The following EML1 variants were observed in gnomAD, a reference collection of about 807,000 sequenced individuals.
EML1 encodes the protein echinoderm microtubule-associated protein-like 1.
Under a neutral mutation model 110.4 loss-of-function variants are expected in EML1, and 27 were observed. The ratio of observed to expected loss-of-function variants is 0.24; its 90% CI spans 0.18 to 0.34. The LOEUF (loss-of-function observed/expected upper bound fraction) is 0.34. Ranked by LOEUF, EML1 falls within the 10% of genes least tolerant of loss-of-function variation. The pLI, the probability that EML1 is intolerant of heterozygous loss-of-function variation, is 1.00. For synonymous variants in EML1, 344 were observed against 385.8 expected (o/e 0.89, Z 1.27); for missense variants, 741 against 1,030.9 (o/e 0.72, Z 3.85).
At chr14:99,930,805 A>G (rs1386921703) in intron 17 of EML1, among the ~76,000 whole-genome samples, 1 of 152,178 alleles carries the variant, frequency 6.6e-6, no homozygotes, top group Non-Finnish European at 1.5e-5. Flanking sequence ...CCAACTGCAG[A>G]TCCTTAGCCT....
At chr14:99,853,633 A>G (rs1262887826) in intron 2 of EML1, among the ~76,000 whole-genome samples, 1 of 152,182 alleles carries the variant, frequency 6.6e-6, no homozygotes, top group Non-Finnish European at 1.5e-5. Context: ...TTGGCCTGCC[A>G]TGCTCATATA....
intron 8 of EML1, among the ~76,000 whole-genome samples, chr14:99,900,123 C>T (rs2059736418): frequency 6.7e-6 from 1 of 149,780 alleles, no homozygotes; most frequent in Non-Finnish European, 1.5e-5. Flanking sequence ...CCAATTATAA[C>T]AATTCTAAAT....
At chr14:99,756,166 C>T (rs1217670093) in intron 1 of EML1, among the ~76,000 whole-genome samples, 12 of 152,352 alleles carry the variant, frequency 7.9e-5, no homozygotes, top group Admixed American at 3.3e-4. Flanking sequence ...TCAGCAAGTG[C>T]TGGGCCCCAG....
intron 1 of EML1, among the ~76,000 whole-genome samples, chr14:99,785,932 C>T (rs1322773681): frequency 2.0e-5 from 3 of 151,886 alleles, no homozygotes; most frequent in Non-Finnish European, 1.5e-5. Context: ...GGACTCTGCA[C>T]CCCTCCCGCA....
rs369543771 is a variant in EML1 at position 99,939,706 on chromosome 14, C to T, written c.2323-281C>T. Among the ~76,000 whole-genome samples the T allele has an allele frequency of 7.9e-5, 12 of 152,270 alleles. No homozygotes were observed. The East Asian group carries it at 9.7e-4, about 12-fold the overall frequency. ...TCAGCCCCGGGCATCTGGTTAGGCCCACCTTTGGGGCGACCTCATACCTGG... is the reference window on the plus strand; with the variant it reads ...TCAGCCCCGGGCATCTGGTTAGGCCTACCTTTGGGGCGACCTCATACCTGG... On this transcript the variant is annotated intron_variant, in intron 21 of 21. Coordinates refer to ENST00000262233, the MANE Select transcript of EML1 (RefSeq NM_004434.3). This position sits in a 1 kb window ranked among gnomAD's most constrained non-coding sequence, Gnocchi z 4.2.
At chr14:99,920,313 C>T (rs554395895) in intron 16 of EML1, among the ~76,000 whole-genome samples, 1 of 152,294 alleles carries the variant, frequency 6.6e-6, no homozygotes, top group East Asian at 1.9e-4. Context: ...CCCATAAGGC[C>T]TGTACTCTTG....
chr14:99,854,034 TCTCA>T (rs1470848200), intron 2 of EML1, among the ~76,000 whole-genome samples: 3 of 152,210 alleles, frequency 2.0e-5, no homozygotes, highest in African/African-American at 7.2e-5. Flanking sequence ...AATGCTTAGG[TCTCA>T]CTCAGTATGT....
intron 3 of EML1, among the ~76,000 whole-genome samples, chr14:99,871,158 C>T (rs1408893490): frequency 6.6e-6 from 1 of 152,104 alleles, no homozygotes; most frequent in Non-Finnish European, 1.5e-5. Context: ...AGGGTTTTGC[C>T]ATGTTGGCTA....
At chr14:99,859,881 C>T (rs898968890) in intron 2 of EML1, among the ~76,000 whole-genome samples, 2 of 152,174 alleles carry the variant, frequency 1.3e-5, no homozygotes, top group African/African-American at 4.8e-5. Context: ...ATTTTATTGT[C>T]GGGATGTAGC....
At chr14:99,850,392 C>T (rs2058776176) in intron 1 of EML1, 1 of 1,270,566 alleles carries the variant, frequency 7.9e-7, no homozygotes, top group Non-Finnish European at 1.0e-6. Flanking sequence ...ATTGCTTTAT[C>T]CTTCAGAGTC....
intron 2 of EML1, among the ~76,000 whole-genome samples, chr14:99,852,055 A>G (rs1189188357): frequency 7.9e-5 from 12 of 152,212 alleles, no homozygotes; most frequent in Admixed American, 7.2e-4. Context: ...TTAAAAAGCA[A>G]TATTTGTATT....
chr14:99,739,421 C>T (rs986649511), intron 1 of EML1, among the ~76,000 whole-genome samples: 1 of 152,116 alleles, frequency 6.6e-6, no homozygotes, highest in Admixed American at 6.6e-5. Context: ...ATATTTAGCC[C>T]GTCGGAGCAA....
chr14:99,759,945 A>G (rs1479592070), intron 1 of EML1, among the ~76,000 whole-genome samples: 2 of 152,006 alleles, frequency 1.3e-5, no homozygotes, highest in Non-Finnish European at 2.9e-5. Flanking sequence ...CGTCTCTACT[A>G]TAAATACAGA....
chr14:99,927,535 A>G lies in EML1; in HGVS notation c.1909+6658A>G, dbSNP rs374965481. Among the ~76,000 whole-genome samples the G allele has an allele frequency of 6.6e-5, 10 of 152,260 alleles. No homozygotes were observed. The East Asian group carries it at 1.7e-3, about 27-fold the overall frequency. On this transcript the variant is annotated intron_variant, in intron 17 of 21. Coordinates refer to ENST00000262233, the MANE Select transcript of EML1 (RefSeq NM_004434.3). ...CTGTTGTTACCCAGTGCCTAGATCC[A>G]TAAAGGTTGCCAACTATTGATTTCC...
intron 1 of EML1, among the ~76,000 whole-genome samples, chr14:99,815,195 G>C (rs2058147137): frequency 6.9e-6 from 1 of 144,420 alleles, no homozygotes; most frequent in Non-Finnish European, 1.5e-5. Context: ...AGGCTGGAGT[G>C]CAGTGGCGCG....
intron 1 of EML1, among the ~76,000 whole-genome samples, chr14:99,778,067 G>C (rs1239357779): frequency 6.6e-6 from 1 of 152,184 alleles, no homozygotes; most frequent in Non-Finnish European, 1.5e-5. Flanking sequence ...TTACAGGCAT[G>C]AGTCACCAAT....
chr14:99,902,583 T>C (rs909389745), intron 9 of EML1, among the ~76,000 whole-genome samples: 1 of 152,266 alleles, frequency 6.6e-6, no homozygotes, highest in Non-Finnish European at 1.5e-5. Context: ...AGCCTTAGTC[T>C]TGTATACTTG....
chr14:99,898,334 A>G, intron 8 of EML1, 32 bp downstream of exon 8: 1 of 1,593,804 alleles, frequency 6.3e-7, no homozygotes, highest in East Asian at 2.2e-5. Context: ...TTGTTTCATA[A>G]TGAACTGGTA....
intron 1 of EML1, among the ~76,000 whole-genome samples, chr14:99,808,912 T>C (rs2058026471): frequency 6.6e-6 from 1 of 152,236 alleles, no homozygotes; most frequent in Non-Finnish European, 1.5e-5. Flanking sequence ...AGTAAAATAC[T>C]ACTTTATCAT....
Sources: allele counts gnomAD v4.1 joint callset (sites outside exome capture counted in the v4.1 genomes callset), GRCh38; gene constraint gnomAD v4.1.1; non-coding constraint Gnocchi (gnomAD v3.1); transcripts MANE v1.5; gene names NCBI Gene and HGNC (gene_info 2026-07-23, HGNC 2026-07-21).